RBFOX1: variants seen among roughly 807,000 people sequenced by gnomAD.
RBFOX1 encodes RNA binding protein fox-1 homolog 1.
RBFOX1 carries 8 observed loss-of-function variants against 57.7 expected under a neutral mutation model. The ratio of observed to expected loss-of-function variants is 0.14; its 90% CI spans 0.08 to 0.25. The LOEUF (loss-of-function observed/expected upper bound fraction) is 0.25. RBFOX1 is among the 10% of genes least tolerant of loss of function. The pLI, the probability that RBFOX1 is intolerant of heterozygous loss-of-function variation, is 1.00. For missense variants in RBFOX1, 611 were observed against 548.5 expected (o/e 1.11, Z -1.14); for synonymous variants, 326 against 222.4 (o/e 1.47, Z -4.15).
chr16:6,830,690 C>G (rs1421121195), intron 3 of RBFOX1, among the ~76,000 whole-genome samples: 1 of 152,178 alleles, frequency 6.6e-6, no homozygotes, highest in African/African-American at 2.4e-5. Context: ...GCAACAGTGT[C>G]TTGGTTAAGA....
chr16:6,881,593 CA>C (rs1567696236), intron 3 of RBFOX1, among the ~76,000 whole-genome samples: 1 of 152,184 alleles, frequency 6.6e-6, no homozygotes, highest in African/African-American at 2.4e-5. Context: ...TACTGGCTTA[CA>C]GCCCACTCTG....
chr16:5,345,295 C>T (rs2065116417), intron 1 of RBFOX1, among the ~76,000 whole-genome samples: 1 of 152,148 alleles, frequency 6.6e-6, no homozygotes, highest in African/African-American at 2.4e-5. Context: ...CCAAGGGGCC[C>T]CTTGGGAAAC....
intron 2 of RBFOX1, among the ~76,000 whole-genome samples, chr16:6,370,474 T>C (rs1247406726): frequency 6.6e-6 from 1 of 151,880 alleles, no homozygotes; most frequent in Non-Finnish European, 1.5e-5. Context: ...AGCTTAGTTG[T>C]TTCAGCTGCT....
At position 6,104,248 on chromosome 16, in the gene RBFOX1, A is replaced by G. The variant is rs546278068; in HGVS notation, c.-127+84256A>G. Reference sequence around the variant, plus strand: ...TATCTGTATGCAATGGGCAGTGATTAATGGTTCCATTTAAAATACGCTTCT... The same window carrying G: ...TATCTGTATGCAATGGGCAGTGATTGATGGTTCCATTTAAAATACGCTTCT... On this transcript the variant is annotated intron_variant, in intron 1 of 15. Transcript: ENST00000550418. Among the ~76,000 whole-genome samples, 4 of 152,288 alleles carry G rather than the reference A, an allele frequency of 2.6e-5. No individual in the cohort carries two copies. In the South Asian group the frequency reaches 8.3e-4, roughly 32 times the overall value.
intron 4 of RBFOX1, among the ~76,000 whole-genome samples, chr16:7,091,026 A>G (rs2060757697): frequency 6.6e-6 from 1 of 152,186 alleles, no homozygotes; most frequent in South Asian, 2.1e-4. Flanking sequence ...CTAATTCACA[A>G]ACAGGATACA....
intron 3 of RBFOX1, among the ~76,000 whole-genome samples, chr16:6,923,014 G>A (rs1390960718): frequency 6.6e-6 from 1 of 152,208 alleles, no homozygotes; most frequent in Non-Finnish European, 1.5e-5. Flanking sequence ...TCTATAGGCA[G>A]TGTATAAGCA....
intron 3 of RBFOX1, among the ~76,000 whole-genome samples, chr16:5,707,975 A>G (rs1289875668): frequency 3.3e-5 from 5 of 152,168 alleles, no homozygotes; most frequent in Admixed American, 3.3e-4. Flanking sequence ...CATAATACTC[A>G]TCTCAGGTGA....
At chr16:5,560,028 G>T (rs2045834948) in intron 2 of RBFOX1, among the ~76,000 whole-genome samples, 2 of 152,130 alleles carry the variant, frequency 1.3e-5, no homozygotes, top group Non-Finnish European at 2.9e-5. Flanking sequence ...TAGTTCTCTT[G>T]TCTGTCTTAT....
chr16:5,968,248 T>A (rs1596316186), intron 4 of RBFOX1, among the ~76,000 whole-genome samples: 1 of 152,134 alleles, frequency 6.6e-6, no homozygotes, highest in Non-Finnish European at 1.5e-5. Flanking sequence ...TTAATTTTTG[T>A]ATTTTTAGTA....
intron 2 of RBFOX1, among the ~76,000 whole-genome samples, chr16:5,477,451 G>A (rs888479617): frequency 2.6e-5 from 4 of 152,154 alleles, no homozygotes; most frequent in Non-Finnish European, 5.9e-5. Flanking sequence ...GGGACAGGCT[G>A]CCTTTCCTAC....
chr16:6,076,696 C>G (rs944402794), intron 1 of RBFOX1, among the ~76,000 whole-genome samples: 1 of 152,142 alleles, frequency 6.6e-6, no homozygotes, highest in African/African-American at 2.4e-5. Context: ...AGTACTGCTT[C>G]AAAGACACAG....
At chr16:5,667,802 A>G (rs762889158) in intron 3 of RBFOX1, among the ~76,000 whole-genome samples, 6 of 152,192 alleles carry the variant, frequency 3.9e-5, no homozygotes, top group East Asian at 3.8e-4. Flanking sequence ...TAACCCCTTT[A>G]TCATCTCCCC....
chr16:7,433,888 C>A (rs1385656062), intron 4 of RBFOX1, among the ~76,000 whole-genome samples: 2 of 152,160 alleles, frequency 1.3e-5, no homozygotes, highest in African/African-American at 2.4e-5. Flanking sequence ...GTAAATGAGG[C>A]CATCTCCAAA....
intron 2 of RBFOX1, among the ~76,000 whole-genome samples, chr16:6,590,994 A>ATAACC (rs1394462627): frequency 6.6e-6 from 1 of 152,190 alleles, no homozygotes; most frequent in Non-Finnish European, 1.5e-5. Flanking sequence ...GGGAAGGTAC[A>ATAACC]TAACCTCTCT....
chr16:7,143,196 A>T (rs1180698597), intron 4 of RBFOX1, among the ~76,000 whole-genome samples: 3 of 152,092 alleles, frequency 2.0e-5, no homozygotes, highest in Admixed American at 6.5e-5. Context: ...CATCTGATTC[A>T]GGGTGATATT....
At chr16:6,726,762 A>G (rs2067282885) in intron 3 of RBFOX1, among the ~76,000 whole-genome samples, 2 of 152,054 alleles carry the variant, frequency 1.3e-5, no homozygotes, top group Non-Finnish European at 2.9e-5. Flanking sequence ...GTCTTTGAAT[A>G]TCATTAACTT....
intron 3 of RBFOX1, among the ~76,000 whole-genome samples, chr16:6,984,242 C>T (rs1192462595): frequency 6.6e-6 from 1 of 152,094 alleles, no homozygotes; most frequent in Non-Finnish European, 1.5e-5. Flanking sequence ...AGTAAAACTC[C>T]ATCTTAAACA....
intron 1 of RBFOX1, among the ~76,000 whole-genome samples, chr16:5,257,724 C>T (rs1184245086): frequency 2.0e-5 from 3 of 152,108 alleles, no homozygotes; most frequent in Non-Finnish European, 4.4e-5. Flanking sequence ...TGGGAGAGTC[C>T]CCAGTGTCAG....
At chr16:7,142,165 G>T (rs72763589) in intron 4 of RBFOX1, among the ~76,000 whole-genome samples, 1 of 151,710 alleles carries the variant, frequency 6.6e-6, no homozygotes, top group Non-Finnish European at 1.5e-5. Flanking sequence ...CTGGGACTGC[G>T]AGCACACACC....
Sources: allele counts gnomAD v4.1 joint callset (sites outside exome capture counted in the v4.1 genomes callset), GRCh38; gene constraint gnomAD v4.1.1; transcripts MANE v1.5; gene names NCBI Gene and HGNC (gene_info 2026-07-23, HGNC 2026-07-21).